ERCC6L2: variants seen among roughly 807,000 people sequenced by gnomAD.
ERCC6L2 encodes DNA excision repair protein ERCC-6-like 2.
A neutral mutation model predicts 132.0 loss-of-function variants in ERCC6L2; 77 were observed. The ratio of observed to expected loss-of-function variants is 0.58; its 90% CI spans 0.49 to 0.71. The LOEUF (loss-of-function observed/expected upper bound fraction) is 0.71, where lower values mean the gene tolerates loss of function less well. ERCC6L2 is among the 30% of genes least tolerant of loss of function. The pLI, the probability that ERCC6L2 is intolerant of heterozygous loss-of-function variation, is 0.00. For synonymous variants in ERCC6L2, 583 were observed against 632.4 expected, an observed-to-expected ratio of 0.92 and a Z score of 1.17; for missense variants, 1,542 against 1,837.6, an observed-to-expected ratio of 0.84 and a Z score of 2.94.
At chr9:95,920,234 C>G (rs867342947) in intron 6 of ERCC6L2, among the ~76,000 whole-genome samples, 1 of 152,188 alleles carries the variant, frequency 6.6e-6, no homozygotes, top group East Asian at 1.9e-4. Context: ...TCCTTCACCT[C>G]TTCATTTCTG....
At position 95,965,168 on chromosome 9, in the gene ERCC6L2, C is replaced by T. The variant is rs1248365578; in HGVS notation, c.1948-1394C>T. On this transcript the variant is annotated intron_variant, in intron 13 of 18. Coordinates refer to ENST00000653738, the MANE Select transcript of ERCC6L2 (RefSeq NM_020207.7). The stretch of plus-strand genomic sequence containing the variant: ...TCCCGAGGGTTTTTTTTAAGAGAGG[C>T]ATCTTGAAAGTGAGAAATTAGTTAA... Among the ~76,000 whole-genome samples, 5 of 152,144 alleles carry T rather than the reference C, an allele frequency of 3.3e-5. No individual in the cohort carries two copies. In the East Asian group the frequency reaches 9.6e-4, roughly 29 times the overall value.
Position 96,012,594 on chromosome 9 carries a change from G to C in ERCC6L2, c.4044G>C (p.Glu1348Asp), listed in dbSNP as rs752630864. 5.9e-6 allele frequency: 8 copies of C among 1,367,442 alleles called. No homozygotes were observed. The highest frequency in any genetic ancestry group is 7.8e-6 in the Non-Finnish European group (8 of 1,021,812). The allele number at this position is 1,367,442 out of a possible 1,614,324, so 84.7% of individuals were successfully genotyped here. A position where few individuals can be genotyped will look rare whatever the true frequency, so the allele number is the denominator to read the frequency against. ...AGAATCATATTTCCTATAGAGAAGAGGTGTTTTTTAATGATGCAGAAACTA... is the reference window on the plus strand; with the variant it reads ...AGAATCATATTTCCTATAGAGAAGACGTGTTTTTTAATGATGCAGAAACTA... ...KFQNHISYRE[E>D]VFFNDAETKK... The change falls in exon 19 of 19, where the codon GAG becomes GAC. Residue 1348 changes from glutamate (E) to aspartate (D), a missense_variant. Physicochemically the swap from Glu to Asp is conservative, Grantham distance 45. This residue lies in a region of ERCC6L2 where 442 missense variants were observed against 583.4 expected (regional missense o/e 0.76). Coordinates refer to ENST00000653738, the MANE Select transcript of ERCC6L2 (RefSeq NM_020207.7).
chr9:96,003,351 C>G (rs1833753959), intron 17 of ERCC6L2, among the ~76,000 whole-genome samples: 1 of 152,126 alleles, frequency 6.6e-6, no homozygotes, highest in African/African-American at 2.4e-5. Flanking sequence ...TAGTTCTGGA[C>G]AAATTATTTA....
At chr9:95,887,370 A>G (rs1025451414) in intron 2 of ERCC6L2, among the ~76,000 whole-genome samples, 6 of 152,216 alleles carry the variant, frequency 3.9e-5, no homozygotes, top group Admixed American at 3.3e-4. Flanking sequence ...AAGGTTTATC[A>G]CAAGAGAAGA....
intron 17 of ERCC6L2, among the ~76,000 whole-genome samples, chr9:95,987,999 C>G (rs1588026930): frequency 6.6e-6 from 1 of 152,230 alleles, no homozygotes; most frequent in Admixed American, 6.5e-5. Flanking sequence ...AAGCCATGGC[C>G]CAAGCTGTAC....
intron 3 of ERCC6L2, among the ~76,000 whole-genome samples, chr9:95,901,747 T>C (rs1397984496): frequency 2.0e-5 from 3 of 152,228 alleles, no homozygotes; most frequent in Non-Finnish European, 4.4e-5. Flanking sequence ...GTTTGTTCTT[T>C]TGTTTCATTG....
chr9:95,910,604 T>G (rs1215787333), intron 4 of ERCC6L2, among the ~76,000 whole-genome samples: 1 of 152,186 alleles, frequency 6.6e-6, no homozygotes, highest in African/African-American at 2.4e-5. Context: ...ATATTTGGAG[T>G]GAGTCTCCAA....
intron 13 of ERCC6L2, among the ~76,000 whole-genome samples, chr9:95,959,164 A>C (rs1024115207): frequency 1.1e-4 from 17 of 151,226 alleles, no homozygotes; most frequent in Non-Finnish European, 2.2e-4. Flanking sequence ...ACAGCATGGT[A>C]CTGGTACCAA....
chr9:95,967,577 A>C (rs963473055), intron 14 of ERCC6L2: 14 of 152,224 alleles, frequency 9.2e-5, no homozygotes, highest in Admixed American at 9.2e-4. Context: ...CAGGAATCGT[A>C]TGCTGAACAA....
At chr9:95,914,077 T>C (rs1829465555) in intron 4 of ERCC6L2, among the ~76,000 whole-genome samples, 1 of 152,220 alleles carries the variant, frequency 6.6e-6, no homozygotes, top group African/African-American at 2.4e-5. Flanking sequence ...CGCCATCTGT[T>C]TTAGAACAAT....
chr9:95,923,942 GGGTGGGA>G (rs66860687), intron 9 of ERCC6L2, among the ~76,000 whole-genome samples: 25,722 of 152,066 alleles, frequency 0.17, 2,743 homozygotes, highest in Non-Finnish European at 0.24. Flanking sequence ...ACCGAGGGAA[GGGTGGGA>G]AAAGTAAGGC....
At chr9:95,878,507 C>CT (rs139122656) in intron 1 of ERCC6L2, among the ~76,000 whole-genome samples, 21,539 of 147,992 alleles carry the variant, frequency 0.15, 1,831 homozygotes, top group African/African-American at 0.24. Flanking sequence ...TAAATGCCAG[C>CT]TTTTTTTTTT....
chr9:96,022,165 T>C (rs1052831629), downstream of ERCC6L2, among the ~76,000 whole-genome samples: 3 of 152,206 alleles, frequency 2.0e-5, no homozygotes, highest in African/African-American at 7.2e-5. Flanking sequence ...GTCCCGCCCT[T>C]CCAGCTCCCA....
At chr9:95,889,646 G>T (rs1309112415) in intron 2 of ERCC6L2, among the ~76,000 whole-genome samples, 4 of 151,972 alleles carry the variant, frequency 2.6e-5, no homozygotes, top group East Asian at 1.9e-4. Flanking sequence ...GTTTTTTCAT[G>T]CCCCTTTCCA....
chr9:95,944,908 T>C (rs925383890), intron 12 of ERCC6L2, among the ~76,000 whole-genome samples: 9 of 152,106 alleles, frequency 5.9e-5, no homozygotes, highest in South Asian at 2.1e-4. Flanking sequence ...TAATAAGATA[T>C]CACAAGGCAA....
intron 3 of ERCC6L2, among the ~76,000 whole-genome samples, chr9:95,900,330 G>T (rs1293767291): frequency 6.6e-6 from 1 of 151,974 alleles, no homozygotes; most frequent in African/African-American, 2.4e-5. Context: ...CTAGGCTGCA[G>T]TGAGCCGTGA....
intron 13 of ERCC6L2, among the ~76,000 whole-genome samples, chr9:95,959,866 G>A (rs997122420): frequency 1.3e-5 from 2 of 152,050 alleles, no homozygotes; most frequent in African/African-American, 4.8e-5. Flanking sequence ...CAGATTGAAG[G>A]AAGAAGCCAA....
intron 4 of ERCC6L2, among the ~76,000 whole-genome samples, chr9:95,911,845 C>G (rs1829354578): frequency 1.3e-5 from 2 of 152,190 alleles, no homozygotes; most frequent in Non-Finnish European, 1.5e-5. Flanking sequence ...AACTGCAGTT[C>G]ACTGTCCGCC....
At chr9:95,990,764 C>T (rs566783488) in intron 17 of ERCC6L2, among the ~76,000 whole-genome samples, 137 of 152,226 alleles carry the variant, frequency 9.0e-4, no homozygotes, top group Non-Finnish European at 1.5e-3. Context: ...TTCAAGCTCT[C>T]CCATCCGGGG....
Sources: gnomAD v4.1 joint callset for allele counts (sites outside exome capture counted in the v4.1 genomes callset) on GRCh38, gnomAD v4.1.1 for gene constraint, gnomAD v4.1.1 regional missense constraint, MANE v1.5 for transcripts, NCBI Gene and HGNC (gene_info 2026-07-23, HGNC 2026-07-21) for gene names.